The following XKR9 variants were observed in gnomAD, a reference collection of about 807,000 sequenced individuals.
XKR9 encodes XK-related protein 9.
In XKR9, 32 loss-of-function variants were observed where a neutral mutation model predicts 32.0. The ratio of observed to expected loss-of-function variants is 1.00; its 90% CI spans 0.76 to 1.34. The LOEUF is 1.34. XKR9 is among the 40% of genes most tolerant of loss of function. The pLI is 0.00. For missense variants in XKR9, 546 were observed against 429.7 expected (o/e 1.27, Z -2.39); for synonymous variants, 168 against 143.4 (o/e 1.17, Z -1.22).
chr8:70,712,072 T>C (rs1288994353), intron 4 of XKR9, among the ~76,000 whole-genome samples: 4 of 152,160 alleles, frequency 2.6e-5, no homozygotes, highest in African/African-American at 9.7e-5. Flanking sequence ...GAAATCGTGC[T>C]TTTATTTCTG....
chr8:70,836,703 C>A, the XKR9 span, among the ~76,000 whole-genome samples: 1 of 151,770 alleles, frequency 6.6e-6, no homozygotes, highest in Non-Finnish European at 1.5e-5. Context: ...ATTCATATTT[C>A]TTGGGCAAAT....
At chr8:71,051,808 A>G in the XKR9 span, among the ~76,000 whole-genome samples, 5 of 152,240 alleles carry the variant, frequency 3.3e-5, no homozygotes, top group African/African-American at 1.2e-4. Context: ...ATTGAATAGT[A>G]TGGATTTCTT....
chr8:70,990,536 T>C, the XKR9 span, among the ~76,000 whole-genome samples: 1 of 152,210 alleles, frequency 6.6e-6, no homozygotes, highest in Non-Finnish European at 1.5e-5. Context: ...CTTAGCTAAT[T>C]TGGGCTTTCA....
At chr8:71,065,302 T>A in the XKR9 span, among the ~76,000 whole-genome samples, 1 of 152,126 alleles carries the variant, frequency 6.6e-6, no homozygotes, top group South Asian at 2.1e-4. Flanking sequence ...ACAGGATTGG[T>A]GGCCTTATAA....
At chr8:70,844,253 G>A in the XKR9 span, among the ~76,000 whole-genome samples, 1 of 152,306 alleles carries the variant, frequency 6.6e-6, no homozygotes, top group Non-Finnish European at 1.5e-5. Context: ...GCCACTGACA[G>A]TGACCCTGGC....
At chr8:70,977,051 G>A in the XKR9 span, among the ~76,000 whole-genome samples, 11 of 152,232 alleles carry the variant, frequency 7.2e-5, no homozygotes, top group East Asian at 1.9e-4. Context: ...ATTTCTGTGC[G>A]ATTGGTTGTG....
At chr8:70,863,368 G>A in the XKR9 span, among the ~76,000 whole-genome samples, 4 of 152,194 alleles carry the variant, frequency 2.6e-5, no homozygotes, top group African/African-American at 9.7e-5. Flanking sequence ...ACTATAGGTG[G>A]TATGGATGTA....
chr8:70,852,428 C>A, the XKR9 span, among the ~76,000 whole-genome samples: 1 of 151,958 alleles, frequency 6.6e-6, no homozygotes, highest in Admixed American at 6.6e-5. Context: ...CCAGCAATCC[C>A]ATTACGGGAT....
chr8:70,840,351 T>C, the XKR9 span, among the ~76,000 whole-genome samples: 1 of 152,200 alleles, frequency 6.6e-6, no homozygotes, highest in Non-Finnish European at 1.5e-5. Flanking sequence ...TTATTCTCTC[T>C]GTAGGACAAC....
chr8:70,786,121 A>G (rs1421461688), intron 2 of XKR9, among the ~76,000 whole-genome samples: 1 of 152,056 alleles, frequency 6.6e-6, no homozygotes, highest in Non-Finnish European at 1.5e-5. Context: ...TTTTTATAAC[A>G]TTGTGGTTGG....
chr8:70,863,637 T>C, the XKR9 span, among the ~76,000 whole-genome samples: 1 of 152,162 alleles, frequency 6.6e-6, no homozygotes, highest in East Asian at 1.9e-4. Flanking sequence ...TCACTTTCAA[T>C]GTAAATTGAT....
the XKR9 span, among the ~76,000 whole-genome samples, chr8:70,905,979 T>C: frequency 6.6e-6 from 1 of 152,356 alleles, no homozygotes; most frequent in South Asian, 2.1e-4. Flanking sequence ...TGGCTGATCC[T>C]TCTTCTGGAA....
chr8:70,941,115 C>G, the XKR9 span, among the ~76,000 whole-genome samples: 1 of 152,050 alleles, frequency 6.6e-6, no homozygotes, highest in South Asian at 2.1e-4. Flanking sequence ...GCAATCACTT[C>G]CCTTTTCTCC....
At chr8:70,676,007 T>C (rs1818873420) in intron 2 of XKR9, among the ~76,000 whole-genome samples, 1 of 152,206 alleles carries the variant, frequency 6.6e-6, no homozygotes, top group South Asian at 2.1e-4. Flanking sequence ...TATAAAGAAA[T>C]ACCTGAGACT....
rs374873903 is a variant in XKR9, at chr8:70,706,415, A to T, written c.273-518A>T. 2.6e-5 allele frequency among the ~76,000 whole-genome samples: 4 copies of T among 152,252 alleles called. No homozygotes were observed. In the South Asian group the frequency reaches 6.2e-4, roughly 24 times the overall value. ...ATTGTTTTCTAGATTACATTTAAGG[A>T]AGATTCAATCTCATCTTCAACCTTG... On this transcript the variant is annotated intron_variant, in intron 3 of 4. Transcript: ENST00000408926.
the XKR9 span, among the ~76,000 whole-genome samples, chr8:71,012,362 C>T: frequency 6.6e-6 from 1 of 152,168 alleles, no homozygotes; most frequent in African/African-American, 2.4e-5. Context: ...CCTGCTACTA[C>T]AGGTTCCCAG....
At chr8:70,839,274 A>C in the XKR9 span, among the ~76,000 whole-genome samples, 1 of 152,114 alleles carries the variant, frequency 6.6e-6, no homozygotes, top group African/African-American at 2.4e-5. Context: ...CCTACAATAT[A>C]AAGCAGATAT....
intron 2 of XKR9, among the ~76,000 whole-genome samples, chr8:70,745,605 G>T (rs991343568): frequency 6.6e-6 from 1 of 152,166 alleles, no homozygotes; most frequent in Non-Finnish European, 1.5e-5. Context: ...GTTCCCGGAT[G>T]TTGCTGATGC....
At chr8:70,935,219 A>ACACACG in the XKR9 span, among the ~76,000 whole-genome samples, 1 of 149,740 alleles carries the variant, frequency 6.7e-6, no homozygotes, top group Non-Finnish European at 1.5e-5. Context: ...ACACACACAC[A>ACACACG]CACACACATA....
Sources: gnomAD v4.1 joint callset for allele counts (sites outside exome capture counted in the v4.1 genomes callset) on GRCh38, gnomAD v4.1.1 for gene constraint, MANE v1.5 for transcripts, NCBI Gene and HGNC (gene_info 2026-07-23, HGNC 2026-07-21) for gene names.